The following CHN1 variants were observed in gnomAD, a reference collection of about 807,000 sequenced individuals.
CHN1 encodes the protein N-chimaerin.
In CHN1, 37 loss-of-function variants were observed where a neutral mutation model predicts 59.5. That is an observed-to-expected ratio of 0.62 (90% CI 0.48 to 0.82). The LOEUF is 0.82. Ranked by LOEUF, CHN1 falls within the 40% of genes least tolerant of loss-of-function variation. CHN1 has a pLI of 0.00. For missense variants in CHN1, 469 were observed against 571.0 expected, an observed-to-expected ratio of 0.82 and a Z score of 1.82; for synonymous variants, 206 against 200.4, an observed-to-expected ratio of 1.03 and a Z score of -0.24.
chr2:174,995,501 G>A (rs914173041), intron 1 of CHN1, among the ~76,000 whole-genome samples: 2 of 152,304 alleles, frequency 1.3e-5, no homozygotes, highest in Non-Finnish European at 2.9e-5. Context: ...GTTTTGGGAT[G>A]CAACTGCTCC....
intron 7 of CHN1, chr2:174,846,193 C>A: frequency 7.6e-7 from 1 of 1,307,224 alleles, no homozygotes; most frequent in South Asian, 1.8e-5. Context: ...TTATATCATG[C>A]TATAAATACA....
chr2:174,801,010 A>G (rs1684702411), intron 12 of CHN1, among the ~76,000 whole-genome samples: 1 of 152,222 alleles, frequency 6.6e-6, no homozygotes, highest in Non-Finnish European at 1.5e-5. Context: ...CTTTGGCCAC[A>G]TACGTATTTT....
rs150124213 is a variant in CHN1, at chr2:174,999,693, G to A, written c.19+5201C>T. Among the ~76,000 whole-genome samples the A allele has an allele frequency of 1.4e-4, 22 of 152,244 alleles. 1 individual carries two copies. The East Asian group carries it at 3.3e-3, about 23-fold the overall frequency. On this transcript the variant is annotated intron_variant, in intron 1 of 12. Transcript: ENST00000409900. Reference sequence around the variant, plus strand: ...GGGTAAAAAAAAGTACTGTATTTACGTTATGCAGAAAGCAGATATATCTAC... The same window carrying A: ...GGGTAAAAAAAAGTACTGTATTTACATTATGCAGAAAGCAGATATATCTAC...
intron 3 of CHN1, among the ~76,000 whole-genome samples, chr2:174,923,172 G>A (rs1035208517): frequency 5.3e-5 from 8 of 149,648 alleles, no homozygotes; most frequent in Admixed American, 1.3e-4. Flanking sequence ...ACGGAGTCTC[G>A]CTCTGTCACC....
chr2:174,838,450 A>C (rs1240256249), intron 7 of CHN1, among the ~76,000 whole-genome samples: 1 of 152,182 alleles, frequency 6.6e-6, no homozygotes. Flanking sequence ...GTGGGTCACA[A>C]AAAAGATGAA....
At chr2:174,968,086 G>C (rs1026896619) in intron 1 of CHN1, among the ~76,000 whole-genome samples, 1 of 152,172 alleles carries the variant, frequency 6.6e-6, no homozygotes, top group Non-Finnish European at 1.5e-5. Flanking sequence ...ATGTTTTCAA[G>C]CTTTATCAAA....
chr2:174,808,722 G>A (rs771621114), intron 11 of CHN1, among the ~76,000 whole-genome samples, 183 bp downstream of exon 11: 1 of 152,134 alleles, frequency 6.6e-6, no homozygotes, highest in African/African-American at 2.4e-5. Flanking sequence ...AGCTTCTGAT[G>A]GTATTAAGTC....
intron 7 of CHN1, among the ~76,000 whole-genome samples, chr2:174,844,226 A>G (rs1686421672): frequency 6.6e-6 from 1 of 151,744 alleles, no homozygotes; most frequent in East Asian, 1.9e-4. Flanking sequence ...ACCATGTTAC[A>G]TAACATAGCA....
In CHN1 at chr2:174,918,626, C is replaced by T. The variant is rs1030483685; in HGVS notation, c.115-61G>A. On this transcript the variant is annotated intron_variant, in intron 3 of 12. Coordinates refer to ENST00000409900, the MANE Select transcript of CHN1 (RefSeq NM_001822.7). The stretch of plus-strand genomic sequence containing the variant: ...AAATGCAAATGTGCAGAACATAACT[C>T]AACATTTTGTGCATGTGACAAAGTA... 5.2e-6 allele frequency: 7 copies of T among 1,352,600 alleles called. No individual in the cohort carries two copies. The African/African-American group carries it at 1.0e-4, about 20-fold the overall frequency. The allele number at this position is 1,352,600 out of a possible 1,614,324, so 83.8% of individuals were successfully genotyped here. A position where few individuals can be genotyped will look rare whatever the true frequency, so the allele number is the denominator to read the frequency against.
At chr2:174,946,026 T>C (rs1689826417) in intron 2 of CHN1, among the ~76,000 whole-genome samples, 1 of 152,026 alleles carries the variant, frequency 6.6e-6, no homozygotes. Flanking sequence ...TGAGTACTTC[T>C]ATGCAAAGGG....
chr2:174,843,721 G>A (rs561466254), intron 7 of CHN1, among the ~76,000 whole-genome samples: 1 of 151,170 alleles, frequency 6.6e-6, no homozygotes, highest in South Asian at 2.1e-4. Context: ...AACCCACTTA[G>A]GGGTATTTGT....
At chr2:174,998,419 C>T (rs944080266) in intron 1 of CHN1, among the ~76,000 whole-genome samples, 2 of 150,940 alleles carry the variant, frequency 1.3e-5, no homozygotes, top group South Asian at 2.1e-4. Context: ...AAGCCTCAGA[C>T]TCATTCAGTT....
intron 3 of CHN1, among the ~76,000 whole-genome samples, chr2:174,937,568 CA>C (rs1558989331): frequency 1.3e-5 from 2 of 152,142 alleles, no homozygotes; most frequent in Admixed American, 1.3e-4. Context: ...AGTGGAGAAA[CA>C]ACATACAGTG....
At chr2:174,906,234 T>C (rs753159399) in intron 5 of CHN1, among the ~76,000 whole-genome samples, 2 of 152,194 alleles carry the variant, frequency 1.3e-5, no homozygotes, top group African/African-American at 2.4e-5. Context: ...ACAACTCAAA[T>C]GTCCATCAAC....
At chr2:174,999,101 T>G (rs1431789114) in intron 1 of CHN1, among the ~76,000 whole-genome samples, 6 of 152,132 alleles carry the variant, frequency 3.9e-5, no homozygotes, top group African/African-American at 1.4e-4. Flanking sequence ...GTAAATATGG[T>G]CATACTGTAC....
At chr2:174,857,387 CTTAAAG>C (rs935170967) in intron 6 of CHN1, among the ~76,000 whole-genome samples, 28 of 151,950 alleles carry the variant, frequency 1.8e-4, no homozygotes, top group African/African-American at 5.8e-4. Context: ...CTTAGGTGAT[CTTAAAG>C]TTAATTCATA....
intron 6 of CHN1, chr2:174,875,718 A>T: frequency 1.5e-6 from 1 of 682,704 alleles, no homozygotes; most frequent in Non-Finnish European, 1.8e-6. Flanking sequence ...AGGGCCCATT[A>T]AATATTTATT....
At chr2:174,999,077 T>C (rs971631192) in intron 1 of CHN1, among the ~76,000 whole-genome samples, 5 of 152,144 alleles carry the variant, frequency 3.3e-5, no homozygotes, top group Admixed American at 3.3e-4. Flanking sequence ...TTCTATTCAA[T>C]ATGACTTTTC....
chr2:174,896,733 T>TACATTTA (rs968669529), intron 5 of CHN1, among the ~76,000 whole-genome samples: 20 of 152,280 alleles, frequency 1.3e-4, no homozygotes, highest in African/African-American at 4.3e-4. Flanking sequence ...AGTTAATGAC[T>TACATTTA]ACATTTAACA....
Sources: gnomAD v4.1 joint callset for allele counts (sites outside exome capture counted in the v4.1 genomes callset) on GRCh38, gnomAD v4.1.1 for gene constraint, MANE v1.5 for transcripts, NCBI Gene and HGNC (gene_info 2026-07-23, HGNC 2026-07-21) for gene names.